The following CPQ variants were observed in gnomAD, a reference collection of about 807,000 sequenced individuals.
CPQ encodes carboxypeptidase Q.
Under a neutral mutation model 45.7 loss-of-function variants are expected in CPQ, and 37 were observed. The observed-to-expected ratio is 0.81, with a 90% CI of 0.62 to 1.07. The LOEUF (loss-of-function observed/expected upper bound fraction) is 1.07, where lower values mean the gene tolerates loss of function less well. CPQ is among the 50% of genes least tolerant of loss of function. The pLI is 0.00. For synonymous variants in CPQ, 186 were observed against 205.8 expected (o/e 0.90, Z 0.82); for missense variants, 537 against 572.9 (o/e 0.94, Z 0.64).
chr8:96,971,154 T>C (rs1187658364), intron 5 of CPQ, among the ~76,000 whole-genome samples: 1 of 152,252 alleles, frequency 6.6e-6, no homozygotes, highest in African/African-American at 2.4e-5. Context: ...GATGCACTTC[T>C]GGAAGTGAGT....
chr8:96,665,641 A>T lies in CPQ; in HGVS notation c.-35+20239A>T, dbSNP rs559343716. ...AATGAGAGAATTTGTGATGTTCATA[A>T]TTAGTAAGTTCATAGGTGCTTCTGG... On this transcript the variant is annotated intron_variant, in intron 1 of 7. Coordinates refer to ENST00000220763, the MANE Select transcript of CPQ (RefSeq NM_016134.4). 5.3e-5 allele frequency among the ~76,000 whole-genome samples: 8 copies of T among 152,334 alleles called. No homozygotes were observed. The South Asian group carries it at 1.2e-3, about 24-fold the overall frequency.
In CPQ at chr8:97,101,328, G is replaced by C. The variant is rs978755450; in HGVS notation, c.1255+35118G>C. Among the ~76,000 whole-genome samples the C allele has an allele frequency of 3.3e-5, 5 of 151,904 alleles. No individual in the cohort carries two copies. The East Asian group carries it at 7.7e-4, about 24-fold the overall frequency. ...TGATAGTTTGGGAGATGATAGTGTT[G>C]GCTTAAAACAAATTGGGTGGTATGT... On this transcript the variant is annotated intron_variant, in intron 7 of 7. Transcript: ENST00000220763.
intron 5 of CPQ, among the ~76,000 whole-genome samples, chr8:96,980,390 C>T (rs1037266443): frequency 5.3e-5 from 8 of 152,148 alleles, no homozygotes; most frequent in Admixed American, 4.6e-4. Context: ...ACCTCGGCCT[C>T]CCAAAGTGCT....
intron 7 of CPQ, among the ~76,000 whole-genome samples, chr8:97,094,080 T>C (rs1811172861): frequency 9.3e-6 from 1 of 107,684 alleles, no homozygotes; most frequent in Non-Finnish European, 2.5e-5. Flanking sequence ...TCTTTTCTTT[T>C]TTTCTCTTTG....
chr8:96,971,272 G>A (rs1448485323), intron 5 of CPQ, among the ~76,000 whole-genome samples: 1 of 152,144 alleles, frequency 6.6e-6, no homozygotes, highest in Non-Finnish European at 1.5e-5. Flanking sequence ...TTCCTTAATT[G>A]GCATGATAGA....
At chr8:97,021,416 A>G (rs1439067764) in intron 5 of CPQ, among the ~76,000 whole-genome samples, 1 of 152,070 alleles carries the variant, frequency 6.6e-6, no homozygotes, top group Non-Finnish European at 1.5e-5. Context: ...CCAAATTGGG[A>G]CTCCCGCTGT....
At chr8:97,067,900 A>T (rs1810666309) in intron 7 of CPQ, among the ~76,000 whole-genome samples, 1 of 152,194 alleles carries the variant, frequency 6.6e-6, no homozygotes, top group South Asian at 2.1e-4. Context: ...TTTGTATGAA[A>T]TTCTAGATTT....
At chr8:97,001,792 G>T (rs1809287985) in intron 5 of CPQ, among the ~76,000 whole-genome samples, 1 of 133,258 alleles carries the variant, frequency 7.5e-6, no homozygotes, top group Non-Finnish European at 1.6e-5. Flanking sequence ...CCTATAGAAT[G>T]AGTTAGTGAG....
chr8:97,058,797 C>T (rs948110784), intron 6 of CPQ, among the ~76,000 whole-genome samples: 8 of 152,134 alleles, frequency 5.3e-5, no homozygotes, highest in Admixed American at 2.0e-4. Context: ...TTGAGTCCCA[C>T]TACTTCTATT....
intron 7 of CPQ, among the ~76,000 whole-genome samples, chr8:97,072,935 C>T (rs1052752094): frequency 6.6e-6 from 1 of 152,122 alleles, no homozygotes; most frequent in Non-Finnish European, 1.5e-5. Context: ...ATGTCCATGA[C>T]TCAAATGCTG....
intron 3 of CPQ, among the ~76,000 whole-genome samples, chr8:96,874,728 A>G (rs1466745021): frequency 6.6e-6 from 1 of 151,850 alleles, no homozygotes; most frequent in Non-Finnish European, 1.5e-5. Flanking sequence ...TTGTTTACAC[A>G]TTTATCATTT....
chr8:96,733,005 C>T (rs148910241), intron 1 of CPQ, among the ~76,000 whole-genome samples: 62 of 152,222 alleles, frequency 4.1e-4, no homozygotes, highest in African/African-American at 1.4e-3. Context: ...TGGTAGGACT[C>T]AATGTTTTAT....
At chr8:96,939,990 A>G (rs1263160332) in intron 4 of CPQ, among the ~76,000 whole-genome samples, 1 of 152,136 alleles carries the variant, frequency 6.6e-6, no homozygotes, top group Non-Finnish European at 1.5e-5. Context: ...TATTTGCAGA[A>G]GGCTTAACTT....
intron 4 of CPQ, among the ~76,000 whole-genome samples, chr8:96,914,733 C>T (rs1226381253): frequency 6.6e-6 from 1 of 152,068 alleles, no homozygotes; most frequent in African/African-American, 2.4e-5. Flanking sequence ...GACTCCAACT[C>T]GCCATAATGT....
intron 5 of CPQ, among the ~76,000 whole-genome samples, chr8:97,002,738 G>T (rs1256915036): frequency 6.6e-6 from 1 of 152,150 alleles, no homozygotes; most frequent in Non-Finnish European, 1.5e-5. Flanking sequence ...TGTTATTTTT[G>T]GGTGGAGAGT....
Position 96,674,294 on chromosome 8 carries a change from T to C in CPQ, c.-35+28892T>C, listed in dbSNP as rs183603213. 9.8e-5 allele frequency among the ~76,000 whole-genome samples: 15 copies of C among 152,296 alleles called. No homozygotes were observed. The East Asian group carries it at 2.9e-3, about 29-fold the overall frequency. Reference sequence around the variant, plus strand: ...TTTCCCCCTGTCCTTAATGATGTTGTGGTTAAAACACTTTTGTGGGTTTAT... The same window carrying C: ...TTTCCCCCTGTCCTTAATGATGTTGCGGTTAAAACACTTTTGTGGGTTTAT... On this transcript the variant is annotated intron_variant, in intron 1 of 7. Transcript: ENST00000220763.
Position 97,143,049 on chromosome 8 carries a change from T to C in CPQ, c.1285T>C (p.Tyr429His), listed in dbSNP as rs1187881016. The C allele has an allele frequency of 6.2e-7, 1 of 1,614,016 alleles. No homozygotes were observed. The highest frequency in any genetic ancestry group is 1.7e-5 in the Admixed American group (1 of 60,020). ...CAGTCTACTTGATGACTTATACAAG[T>C]ATTTCTTCTTCCATCACTCCCACGG... ...GASLLDDLYK[Y>H]FFFHHSHGDT... The change falls in exon 8 of 8, where the codon TAT becomes CAT. Residue 429 changes from tyrosine (Y) to histidine (H), a missense_variant. Coordinates refer to ENST00000220763, the MANE Select transcript of CPQ (RefSeq NM_016134.4).
At chr8:96,714,066 G>A (rs1809646815) in intron 1 of CPQ, among the ~76,000 whole-genome samples, 1 of 152,152 alleles carries the variant, frequency 6.6e-6, no homozygotes, top group Admixed American at 6.5e-5. Flanking sequence ...ACTGCTCTTA[G>A]AATTCTTTCC....
intron 6 of CPQ, chr8:97,056,560 G>C (rs1810458435): frequency 2.0e-5 from 3 of 152,176 alleles, no homozygotes; most frequent in Admixed American, 2.0e-4. Context: ...GAAATTTGGT[G>C]CTCACTAATG....
Sources: allele counts gnomAD v4.1 joint callset (sites outside exome capture counted in the v4.1 genomes callset), GRCh38; gene constraint gnomAD v4.1.1; transcripts MANE v1.5; gene names NCBI Gene and HGNC (gene_info 2026-07-23, HGNC 2026-07-21).